The following SHLD1 variants were observed in gnomAD, a reference collection of about 807,000 sequenced individuals.
SHLD1 encodes the protein RINN1-REV7-interacting novel NHEJ regulator 3.
In SHLD1, 3 loss-of-function variants were observed where a neutral mutation model predicts 5.5. That is an observed-to-expected ratio of 0.54 (90% CI 0.25 to 1.40). SHLD1 has a LOEUF of 1.40. Ranked by LOEUF, SHLD1 falls within the 40% of genes most tolerant of loss-of-function variation. The pLI, the probability that SHLD1 is intolerant of heterozygous loss-of-function variation, is 0.15. For synonymous variants in SHLD1, 92 were observed against 94.3 expected (o/e 0.98, Z 0.14); for missense variants, 210 against 244.4 (o/e 0.86, Z 0.94).
At chr20:5,832,548 C>T (rs1600164096) in intron 2 of SHLD1, among the ~76,000 whole-genome samples, 2 of 152,148 alleles carry the variant, frequency 1.3e-5, no homozygotes, top group East Asian at 3.8e-4. Flanking sequence ...AGTGATCCAC[C>T]TGCCTCAGTC....
chr20:5,849,898 G>T (rs1183922461), intron 2 of SHLD1, among the ~76,000 whole-genome samples: 1 of 146,922 alleles, frequency 6.8e-6, no homozygotes, highest in Non-Finnish European at 1.5e-5. Flanking sequence ...AGCGGAGCTT[G>T]CAGTGAGCCG....
At chr20:5,816,868 A>G (rs237086) in intron 2 of SHLD1, among the ~76,000 whole-genome samples, 96,767 of 151,982 alleles carry the variant, frequency 0.64, 32,033 homozygotes, top group Non-Finnish European at 0.74. Context: ...TCAGGAGTTC[A>G]AGACCAGCCT....
Position 5,850,636 on chromosome 20 carries a change from G to A in SHLD1, c.179-12388G>A, listed in dbSNP as rs372710218. On this transcript the variant is annotated intron_variant, in intron 2 of 2. Transcript: ENST00000303142. ...AGCAATTCTCCTGCCTCAGCCTCCCGAGTAGCTGGGATTACAGGTGTGTGC... is the reference window on the plus strand; with the variant it reads ...AGCAATTCTCCTGCCTCAGCCTCCCAAGTAGCTGGGATTACAGGTGTGTGC... 5.3e-5 allele frequency among the ~76,000 whole-genome samples: 8 copies of A among 151,142 alleles called. No homozygotes were observed. The East Asian group carries it at 5.8e-4, about 11-fold the overall frequency.
At chr20:5,772,409 C>T (rs1369510927) in intron 1 of SHLD1, among the ~76,000 whole-genome samples, 3 of 152,082 alleles carry the variant, frequency 2.0e-5, no homozygotes, top group Non-Finnish European at 4.4e-5. Context: ...AATTAATGTC[C>T]CAGGTGGGAT....
intron 2 of SHLD1, among the ~76,000 whole-genome samples, chr20:5,778,685 A>G (rs1985554854): frequency 6.6e-6 from 1 of 151,942 alleles, no homozygotes; most frequent in South Asian, 2.1e-4. Flanking sequence ...CAGCCATGAC[A>G]GGAGCAGGGA....
At chr20:5,771,724 T>G (rs1203705246) in intron 1 of SHLD1, among the ~76,000 whole-genome samples, 4 of 151,936 alleles carry the variant, frequency 2.6e-5, no homozygotes, top group African/African-American at 9.7e-5. Flanking sequence ...TTTTGCAGTT[T>G]GAGGTGTGTC....
intron 2 of SHLD1, among the ~76,000 whole-genome samples, chr20:5,833,216 A>T (rs565490279): frequency 3.9e-5 from 6 of 152,212 alleles, no homozygotes; most frequent in African/African-American, 1.2e-4. Context: ...GCTTGTCCCC[A>T]GTTTTGCTTT....
intron 1 of SHLD1, chr20:5,765,087 T>A (rs1029001372): frequency 1.3e-5 from 2 of 152,158 alleles, no homozygotes; most frequent in Non-Finnish European, 2.9e-5. Flanking sequence ...TTTAATTTTT[T>A]TTACAGACAA....
chr20:5,849,657 G>A (rs114363422), intron 2 of SHLD1, among the ~76,000 whole-genome samples: 1 of 152,156 alleles, frequency 6.6e-6, no homozygotes, highest in Non-Finnish European at 1.5e-5. Context: ...GAAAAGGGGT[G>A]CCATTAATAA....
intron 1 of SHLD1, among the ~76,000 whole-genome samples, chr20:5,751,665 T>TAGCAAATAAATAAAAC (rs1983756926): frequency 6.6e-6 from 1 of 152,160 alleles, no homozygotes; most frequent in African/African-American, 2.4e-5. Context: ...GTCAGACTGT[T>TAGCAAATAAATAAAAC]AGCAAATAAA....
At chr20:5,852,904 A>C (rs1049651407) in intron 2 of SHLD1, among the ~76,000 whole-genome samples, 6 of 152,148 alleles carry the variant, frequency 3.9e-5, no homozygotes, top group Non-Finnish European at 8.8e-5. Flanking sequence ...TCATACTTTT[A>C]ACTTTTGTTG....
chr20:5,750,530 A>G (rs1983684127), intron 1 of SHLD1, 51 bp downstream of exon 1: 1 of 142,016 alleles, frequency 7.0e-6, no homozygotes, highest in Non-Finnish European at 1.5e-5. Context: ...GGCGGGGGTC[A>G]CAGCAATGCA....
intron 2 of SHLD1, among the ~76,000 whole-genome samples, chr20:5,836,559 C>G (rs1284081044): frequency 6.6e-6 from 1 of 152,232 alleles, no homozygotes; most frequent in African/African-American, 2.4e-5. Flanking sequence ...TTGCCATTTC[C>G]TCTGCCTGGA....
chr20:5,830,469 C>T (rs1258959595), intron 2 of SHLD1, among the ~76,000 whole-genome samples: 2 of 152,086 alleles, frequency 1.3e-5, no homozygotes, highest in Non-Finnish European at 2.9e-5. Flanking sequence ...CACCTAAGGT[C>T]GGGAGTTCTA....
intron 2 of SHLD1, among the ~76,000 whole-genome samples, chr20:5,807,977 A>G (rs2087403662): frequency 6.6e-6 from 1 of 152,124 alleles, no homozygotes; most frequent in South Asian, 2.1e-4. Context: ...AAACAGTACA[A>G]AAGAGTATAA....
chr20:5,785,711 G>T (rs537014699), intron 2 of SHLD1, among the ~76,000 whole-genome samples: 104 of 150,362 alleles, frequency 6.9e-4, no homozygotes, highest in African/African-American at 2.4e-3. Context: ...CAGGAGAATT[G>T]CTTGAACCCG....
intron 1 of SHLD1, among the ~76,000 whole-genome samples, chr20:5,755,454 C>G (rs561038771): frequency 6.6e-6 from 1 of 152,142 alleles, no homozygotes; most frequent in Non-Finnish European, 1.5e-5. Context: ...ATCCCAAAAC[C>G]GTCCCCCCAC....
intron 2 of SHLD1, among the ~76,000 whole-genome samples, chr20:5,846,679 G>A (rs2087936521): frequency 6.6e-6 from 1 of 152,204 alleles, no homozygotes; most frequent in Admixed American, 6.5e-5. Flanking sequence ...TGGTTCTCTT[G>A]TCTGACAGCT....
intron 1 of SHLD1, among the ~76,000 whole-genome samples, chr20:5,754,856 G>T (rs918493096): frequency 2.6e-5 from 4 of 152,184 alleles, no homozygotes; most frequent in African/African-American, 9.6e-5. Context: ...AAAAGTTCAA[G>T]ACCAGCCTGG....
Sources: allele counts gnomAD v4.1 joint callset (sites outside exome capture counted in the v4.1 genomes callset), GRCh38; gene constraint gnomAD v4.1.1; transcripts MANE v1.5; gene names NCBI Gene and HGNC (gene_info 2026-07-23, HGNC 2026-07-21).